Variants in BABAM2 observed in about 807,000 individuals in gnomAD.
BABAM2 encodes BRISC and BRCA1-A complex member 2.
A neutral mutation model predicts 54.7 loss-of-function variants in BABAM2; 31 were observed. The ratio of observed to expected loss-of-function variants is 0.57; its 90% CI spans 0.43 to 0.77. BABAM2 has a LOEUF of 0.77. Ranked by LOEUF, BABAM2 falls within the 30% of genes least tolerant of loss-of-function variation. BABAM2 has a pLI of 0.00. For missense variants in BABAM2, 364 were observed against 455.8 expected (o/e 0.80, Z 1.83); for synonymous variants, 167 against 162.9 (o/e 1.03, Z -0.19).
At chr2:27,899,602 A>G (rs1665623118) in intron 2 of BABAM2, among the ~76,000 whole-genome samples, 1 of 151,934 alleles carries the variant, frequency 6.6e-6, no homozygotes, top group South Asian at 2.1e-4. Context: ...CCTCCTGAGT[A>G]GCTACAGCGT....
intron 7 of BABAM2, among the ~76,000 whole-genome samples, chr2:28,211,964 T>G (rs925347577): frequency 2.6e-5 from 4 of 152,186 alleles, no homozygotes; most frequent in Non-Finnish European, 5.9e-5. Context: ...TCAAATAGTC[T>G]ATAGCATTAG....
intron 10 of BABAM2, among the ~76,000 whole-genome samples, chr2:28,278,623 T>C (rs1686072023): frequency 6.6e-6 from 1 of 152,200 alleles, no homozygotes; most frequent in Admixed American, 6.5e-5. Flanking sequence ...GTAGCCAAAA[T>C]TGTGAGACTA....
intron 6 of BABAM2, among the ~76,000 whole-genome samples, chr2:28,054,479 A>G (rs1253582096): frequency 1.3e-5 from 2 of 152,110 alleles, no homozygotes; most frequent in Admixed American, 6.5e-5. Context: ...CCCCAAATTT[A>G]TATGTTGAAA....
intron 4 of BABAM2, among the ~76,000 whole-genome samples, chr2:28,001,586 A>T (rs1673580116): frequency 6.6e-6 from 1 of 152,180 alleles, no homozygotes; most frequent in Non-Finnish European, 1.5e-5. Flanking sequence ...TGTAAGACTG[A>T]GTAATTTATA....
intron 4 of BABAM2, among the ~76,000 whole-genome samples, chr2:28,022,733 A>G (rs959164244): frequency 2.6e-5 from 4 of 152,196 alleles, no homozygotes; most frequent in African/African-American, 9.7e-5. Context: ...AGAGAGAAAC[A>G]CTTATTTTTC....
intron 11 of BABAM2, among the ~76,000 whole-genome samples, chr2:28,307,023 T>G (rs1688603251): frequency 7.7e-6 from 1 of 130,518 alleles, no homozygotes; most frequent in East Asian, 2.3e-4. Context: ...TTTTTTTTTT[T>G]TGAGACAGAG....
At chr2:28,041,901 G>A (rs1677131283) in intron 5 of BABAM2, among the ~76,000 whole-genome samples, 1 of 152,152 alleles carries the variant, frequency 6.6e-6, no homozygotes, top group Admixed American at 6.5e-5. Context: ...ACAGAGTTAG[G>A]GGCAATTGCA....
At chr2:28,187,612 C>T (rs1339442772) in intron 7 of BABAM2, among the ~76,000 whole-genome samples, 2 of 151,782 alleles carry the variant, frequency 1.3e-5, no homozygotes, top group Non-Finnish European at 2.9e-5. Context: ...TTGAAACACA[C>T]TCACATACAC....
intron 2 of BABAM2, among the ~76,000 whole-genome samples, chr2:27,922,292 G>T (rs17758075): frequency 0.18 from 27,593 of 152,176 alleles, 3,339 homozygotes; most frequent in Non-Finnish European, 0.27. Flanking sequence ...ATAACATAGC[G>T]CTTGACACTA....
chr2:27,948,881 A>G (rs1395170125), intron 3 of BABAM2, among the ~76,000 whole-genome samples: 2 of 152,134 alleles, frequency 1.3e-5, no homozygotes, highest in Non-Finnish European at 2.9e-5. Context: ...TTGGCTATGT[A>G]TTTTTCAGAG....
Position 27,903,814 on chromosome 2 carries a change from T to G in BABAM2, c.128+9130T>G, listed in dbSNP as rs540671614. 1.8e-3 allele frequency among the ~76,000 whole-genome samples: 270 copies of G among 152,360 alleles called. 2 individuals are homozygous for G. The highest frequency in any genetic ancestry group is 6.0e-3 in the African/African-American group (249 of 41,578). ...TTTTCCTTCTTCACAATTTCATGGA[T>G]AGAAGATTTGTTCTTATGTTAGGTC... On this transcript the variant is annotated intron_variant, in intron 2 of 11. Transcript: ENST00000379624.
chr2:27,948,489 G>A (rs2148401000), intron 3 of BABAM2, among the ~76,000 whole-genome samples: 1 of 152,336 alleles, frequency 6.6e-6, no homozygotes, highest in South Asian at 2.1e-4. Flanking sequence ...AAAGTGTTAA[G>A]GCTGGGTGTG....
intron 7 of BABAM2, among the ~76,000 whole-genome samples, chr2:28,176,143 C>T (rs535247954): frequency 1.4e-4 from 22 of 152,172 alleles, no homozygotes; most frequent in East Asian, 9.6e-4. Context: ...CAGATATCAA[C>T]GTAAAGACAC....
At chr2:27,955,271 C>G (rs1259020341) in intron 3 of BABAM2, among the ~76,000 whole-genome samples, 1 of 152,148 alleles carries the variant, frequency 6.6e-6, no homozygotes, top group Non-Finnish European at 1.5e-5. Flanking sequence ...CATAACTGCT[C>G]TCCTGTAAGT....
chr2:28,334,666 G>A (rs911714042), intron 11 of BABAM2, among the ~76,000 whole-genome samples: 4 of 152,230 alleles, frequency 2.6e-5, no homozygotes, highest in Admixed American at 6.5e-5. Flanking sequence ...CTCTCCGGCC[G>A]CACTTCCATG....
intron 5 of BABAM2, among the ~76,000 whole-genome samples, chr2:28,028,886 C>T (rs1002250365): frequency 1.3e-5 from 2 of 152,160 alleles, no homozygotes; most frequent in Non-Finnish European, 2.9e-5. Flanking sequence ...CCTCTCTCAG[C>T]CTCCTGAGTA....
chr2:28,115,562 C>T (rs1042772384), intron 6 of BABAM2, among the ~76,000 whole-genome samples: 2 of 151,004 alleles, frequency 1.3e-5, no homozygotes, highest in Non-Finnish European at 3.0e-5. Context: ...GGAGGCAGAG[C>T]TTGCAGTGAG....
chr2:28,040,327 G>T, intron 5 of BABAM2, among the ~76,000 whole-genome samples: 2 of 57,524 alleles, frequency 3.5e-5, no homozygotes, highest in South Asian at 1.2e-3. Context: ...TTGAGACGGA[G>T]TCTCGCTCTG....
chr2:27,980,299 C>G (rs2148470335), intron 3 of BABAM2, among the ~76,000 whole-genome samples: 1 of 152,232 alleles, frequency 6.6e-6, no homozygotes, highest in Non-Finnish European at 1.5e-5. Context: ...GTGTTCATAT[C>G]ATCTGCTCCA....
Sources: allele counts gnomAD v4.1 joint callset (sites outside exome capture counted in the v4.1 genomes callset), GRCh38; gene constraint gnomAD v4.1.1; transcripts MANE v1.5; gene names NCBI Gene and HGNC (gene_info 2026-07-23, HGNC 2026-07-21).